Variants in CADM2 observed in about 807,000 individuals in gnomAD.
CADM2 encodes the protein cell adhesion molecule 2.
CADM2 carries 12 observed loss-of-function variants against 49.8 expected under a neutral mutation model. The ratio of observed to expected loss-of-function variants is 0.24; its 90% CI spans 0.15 to 0.39. CADM2 has a LOEUF of 0.39. CADM2 is among the 10% of genes least tolerant of loss of function. The probability of loss-of-function intolerance (pLI) is 1.00; values close to 1 mark genes in which losing one functional copy is unlikely to be tolerated. For synonymous variants in CADM2, 214 were observed against 175.4 expected (o/e 1.22, Z -1.74); for missense variants, 378 against 492.3 (o/e 0.77, Z 2.20).
At chr3:86,048,642 T>C (rs1262875609) in intron 8 of CADM2, among the ~76,000 whole-genome samples, 1 of 152,166 alleles carries the variant, frequency 6.6e-6, no homozygotes, top group Non-Finnish European at 1.5e-5. Context: ...CAATATGATA[T>C]ATACTACAGC....
At position 86,071,239 on chromosome 3, in the gene CADM2, C is replaced by A. The variant is rs1044746661; in HGVS notation, c.*4456C>A. 3 of 151,850 alleles carry A rather than the reference C, an allele frequency of 2.0e-5. No individual in the cohort carries two copies. Among genetic ancestry groups the A allele is most frequent in the Non-Finnish European group, 4.4e-5 (3 of 67,810 alleles). 9.4% of individuals were successfully genotyped at this position (151,850 alleles called of 1,614,324 possible). On this transcript the variant is annotated 3_prime_UTR_variant, in exon 10 of 10. Transcript: ENST00000383699. Reference sequence around the variant, plus strand: ...AGATTGTAGCAAGTACAAATGTATTCAATGAAAGAACATAGGGTAGTTTTA... The same window carrying A: ...AGATTGTAGCAAGTACAAATGTATTAAATGAAAGAACATAGGGTAGTTTTA...
chr3:85,151,625 C>T (rs2039925544), intron 1 of CADM2, among the ~76,000 whole-genome samples: 1 of 152,144 alleles, frequency 6.6e-6, no homozygotes, highest in Non-Finnish European at 1.5e-5. Context: ...GTTATGATGG[C>T]TCCCTCATAA....
rs557207693 is a variant in CADM2 at position 85,968,899 on chromosome 3, C to T, written c.970+7252C>T. On this transcript the variant is annotated intron_variant, in intron 8 of 9. Coordinates refer to ENST00000383699, the MANE Select transcript of CADM2 (RefSeq NM_001167675.2). Reference sequence around the variant, plus strand: ...TTTTTACATAAAACCTGCTTTGTAGCTTTTTACAGTATAGTTTTCACACAT... The same window carrying T: ...TTTTTACATAAAACCTGCTTTGTAGTTTTTTACAGTATAGTTTTCACACAT... Among the ~76,000 whole-genome samples the T allele has an allele frequency of 3.0e-3, 450 of 151,768 alleles. 1 individual carries two copies. Among genetic ancestry groups the T allele is most frequent in the Non-Finnish European group, 4.2e-3 (286 of 67,772 alleles).
At chr3:85,884,678 G>A (rs1005384323) in intron 4 of CADM2, among the ~76,000 whole-genome samples, 1 of 149,922 alleles carries the variant, frequency 6.7e-6, no homozygotes, top group Non-Finnish European at 1.5e-5. Flanking sequence ...TGTTGTTCCT[G>A]TTGTTTAATT....
At chr3:85,144,739 G>T (rs1205518895) in intron 1 of CADM2, among the ~76,000 whole-genome samples, 4 of 152,064 alleles carry the variant, frequency 2.6e-5, no homozygotes, top group African/African-American at 7.2e-5. Context: ...AGGAGTTCAA[G>T]ATATTTTTTT....
intron 1 of CADM2, among the ~76,000 whole-genome samples, chr3:85,228,717 C>T (rs2042217101): frequency 6.6e-6 from 1 of 151,998 alleles, no homozygotes; most frequent in Non-Finnish European, 1.5e-5. Flanking sequence ...GGTGCACCCG[C>T]CAGTTGCCAG....
chr3:85,763,132 A>G (rs966208396), intron 2 of CADM2, among the ~76,000 whole-genome samples: 1 of 152,152 alleles, frequency 6.6e-6, no homozygotes, highest in Non-Finnish European at 1.5e-5. Context: ...AAACTAGCAT[A>G]CAACTGACTG....
rs1423806452 is a variant in CADM2 at position 85,301,865 on chromosome 3, G to T, written c.61+342197G>T. 3.9e-5 allele frequency among the ~76,000 whole-genome samples: 6 copies of T among 152,038 alleles called. 1 individual carries two copies. The highest frequency in any genetic ancestry group is 7.4e-5 in the Non-Finnish European group (5 of 67,984). On this transcript the variant is annotated intron_variant, in intron 1 of 9. Coordinates refer to ENST00000383699, the MANE Select transcript of CADM2 (RefSeq NM_001167675.2). ...AATGACTCTCCATATAGTACAATTA[G>T]AGTAACATTTCTGATTAGACTTCAG...
intron 1 of CADM2, among the ~76,000 whole-genome samples, chr3:85,067,095 A>T (rs544323076): frequency 3.7e-4 from 57 of 152,290 alleles, no homozygotes; most frequent in Admixed American, 1.0e-3. Flanking sequence ...CTCTATTTTT[A>T]AAAAATGTTG....
intron 2 of CADM2, among the ~76,000 whole-genome samples, chr3:85,784,867 A>T (rs180969273): frequency 6.6e-6 from 1 of 152,110 alleles, no homozygotes; most frequent in Non-Finnish European, 1.5e-5. Context: ...AATTGGCATT[A>T]GTTCTTTAAA....
chr3:85,089,760 C>T (rs2037522826), intron 1 of CADM2, among the ~76,000 whole-genome samples: 1 of 151,930 alleles, frequency 6.6e-6, no homozygotes, highest in Non-Finnish European at 1.5e-5. Context: ...TTAATCCCCC[C>T]AAAAAAACAC....
At chr3:85,399,797 G>C (rs1391898226) in intron 1 of CADM2, among the ~76,000 whole-genome samples, 1 of 152,316 alleles carries the variant, frequency 6.6e-6, no homozygotes, top group East Asian at 1.9e-4. Flanking sequence ...AAGAATGCTT[G>C]TGATTTTTGC....
At chr3:85,884,045 C>T (rs1227260714) in intron 4 of CADM2, among the ~76,000 whole-genome samples, 1 of 152,230 alleles carries the variant, frequency 6.6e-6, no homozygotes, top group East Asian at 1.9e-4. Flanking sequence ...CTTTTGTTCT[C>T]TAAATATTGG....
intron 1 of CADM2, among the ~76,000 whole-genome samples, chr3:85,558,378 A>C (rs760053445): frequency 3.9e-5 from 6 of 152,024 alleles, no homozygotes; most frequent in Non-Finnish European, 5.9e-5. Context: ...AATAAATAGT[A>C]ATTATCGTGT....
Position 85,042,136 on chromosome 3 carries a change from G to A in CADM2, c.61+82468G>A, listed in dbSNP as rs1315107133. ...TTCTCCAGCGTCTCTCCATTCTTGC[G>A]TACCCACTCTCATCAATGCATACTC... On this transcript the variant is annotated intron_variant, in intron 1 of 9. Coordinates refer to ENST00000383699, the MANE Select transcript of CADM2 (RefSeq NM_001167675.2). 4.6e-5 allele frequency among the ~76,000 whole-genome samples: 7 copies of A among 151,980 alleles called. No individual in the cohort carries two copies. The South Asian group carries it at 1.0e-3, about 22-fold the overall frequency.
At chr3:85,819,997 G>A (rs2073452119) in intron 3 of CADM2, among the ~76,000 whole-genome samples, 2 of 152,066 alleles carry the variant, frequency 1.3e-5, no homozygotes, top group African/African-American at 4.8e-5. Context: ...TCATGAAGGT[G>A]ACATTGCAGC....
chr3:85,317,491 G>A (rs1346832421), intron 1 of CADM2, among the ~76,000 whole-genome samples: 1 of 151,902 alleles, frequency 6.6e-6, no homozygotes, highest in Non-Finnish European at 1.5e-5. Context: ...AATTTATAAG[G>A]AAAAAAAATT....
At chr3:85,101,303 A>G (rs952334950) in intron 1 of CADM2, among the ~76,000 whole-genome samples, 4 of 152,046 alleles carry the variant, frequency 2.6e-5, no homozygotes, top group Non-Finnish European at 5.9e-5. Flanking sequence ...GTTAAATACT[A>G]TCTTATGCTG....
intron 1 of CADM2, among the ~76,000 whole-genome samples, chr3:85,305,601 A>C (rs150694271): frequency 1.7e-3 from 252 of 151,824 alleles, no homozygotes; most frequent in African/African-American, 5.6e-3. Context: ...AATGTTTATT[A>C]AATCTATATT....
Sources: allele counts gnomAD v4.1 joint callset (sites outside exome capture counted in the v4.1 genomes callset), GRCh38; gene constraint gnomAD v4.1.1; transcripts MANE v1.5; gene names NCBI Gene and HGNC (gene_info 2026-07-23, HGNC 2026-07-21).